Variants in CCNI observed in about 807,000 individuals in gnomAD.
The protein encoded by CCNI is cyclin I, also known as cyclin-I.
In CCNI, 14 loss-of-function variants were observed where a neutral mutation model predicts 34.1. The ratio of observed to expected loss-of-function variants is 0.41; its 90% CI spans 0.27 to 0.64. The LOEUF is 0.64. CCNI is among the 30% of genes least tolerant of loss of function. The pLI, the probability that CCNI is intolerant of heterozygous loss-of-function variation, is 0.31. For missense variants in CCNI, 385 were observed against 440.5 expected, an observed-to-expected ratio of 0.87 and a Z score of 1.13; for synonymous variants, 154 against 158.4, an observed-to-expected ratio of 0.97 and a Z score of 0.21.
chr4:77,057,785 C>A (rs1051172165), intron 3 of CCNI, among the ~76,000 whole-genome samples: 1 of 152,178 alleles, frequency 6.6e-6, no homozygotes, highest in Non-Finnish European at 1.5e-5. Context: ...GTAGAAAGCA[C>A]TTTGTTTTTC....
intron 5 of CCNI, 47 bp from the exon 6 acceptor site, chr4:77,055,427 A>G: frequency 7.8e-7 from 1 of 1,279,134 alleles, no homozygotes; most frequent in Non-Finnish European, 1.1e-6. Context: ...AATATCTGGG[A>G]AATTACATAT....
intron 1 of CCNI, among the ~76,000 whole-genome samples, chr4:77,068,836 T>C (rs1358664399): frequency 1.3e-5 from 2 of 152,266 alleles, no homozygotes; most frequent in Admixed American, 6.5e-5. Context: ...CTCCTTCCTA[T>C]GTACCACTCC....
rs1474558280 is a variant in CCNI at position 77,075,758 on chromosome 4, G to A, written c.-330C>T. ...CTGAGGCCGCCGCCGCTCGAGCCCGGGTTGGGAGGGGGCTCCCTCTCGCCA... is the reference window on the plus strand; with the variant it reads ...CTGAGGCCGCCGCCGCTCGAGCCCGAGTTGGGAGGGGGCTCCCTCTCGCCA... On this transcript the variant is annotated 5_prime_UTR_variant, in exon 1 of 7. Transcript: ENST00000237654. The A allele has an allele frequency of 6.1e-6, 1 of 164,122 alleles. No homozygotes were observed. Among genetic ancestry groups the A allele is most frequent in the South Asian group, 2.0e-4 (1 of 5,100 alleles). 10.2% of individuals were successfully genotyped at this position (164,122 alleles called of 1,614,324 possible). A position where few individuals can be genotyped will look rare whatever the true frequency, so the allele number is the denominator to read the frequency against.
intron 6 of CCNI, among the ~76,000 whole-genome samples, chr4:77,051,147 GT>G (rs908514335): frequency 6.6e-6 from 1 of 152,004 alleles, no homozygotes; most frequent in African/African-American, 2.4e-5. Flanking sequence ...CAAATTCCAG[GT>G]TTTTTTGGAA....
chr4:77,063,980 G>A (rs1281443612), intron 2 of CCNI, among the ~76,000 whole-genome samples: 2 of 152,116 alleles, frequency 1.3e-5, no homozygotes, highest in East Asian at 3.9e-4. Flanking sequence ...GGTTGCTCAC[G>A]CCTGTAATCC....
chr4:77,058,092 T>C (rs1170076622), intron 3 of CCNI, among the ~76,000 whole-genome samples: 1 of 152,188 alleles, frequency 6.6e-6, no homozygotes, highest in South Asian at 2.1e-4. Flanking sequence ...TGGTGGCTCA[T>C]GCCTGTAATC....
At position 77,072,488 on chromosome 4, in the gene CCNI, C is replaced by CTA. The variant is rs1190627593; in HGVS notation, c.-44+2983_-44+2984insTA. Reference sequence around the variant, plus strand: ...AAAAAAAAAAAAAAATTTAAACTAGCCAGGCATGATGTCACACACCTGCCT... The same window carrying CTA: ...AAAAAAAAAAAAAAATTTAAACTAGCTACAGGCATGATGTCACACACCTGCCT... On this transcript the variant is annotated intron_variant, in intron 1 of 6. Transcript: ENST00000237654. 4.1e-5 allele frequency among the ~76,000 whole-genome samples: 6 copies of CTA among 148,050 alleles called. No individual in the cohort carries two copies. In the East Asian group the frequency reaches 1.2e-3, roughly 29 times the overall value.
At position 77,055,289 on chromosome 4, in the gene CCNI, T is replaced by G. The variant is rs757798849; in HGVS notation, c.551A>C (p.Gln184Pro). 1 of 1,614,196 alleles carries G rather than the reference T, an allele frequency of 6.2e-7. No individual in the cohort carries two copies. Among genetic ancestry groups the G allele is most frequent in the South Asian group, 1.1e-5 (1 of 91,090 alleles). Residue 184 changes from glutamine to proline, a missense_variant, in exon 6 of 7, where the codon CAA becomes CCA. Coordinates refer to ENST00000237654, the MANE Select transcript of CCNI (RefSeq NM_006835.3). ...GTTGCAGGCCATACAGTGAAGTAGT[T>G]GCTTGGTAAGGACTGCCAAATGTTG... ...PSQHLAVLTK[Q>P]LLHCMACNQL... is the part of the protein sequence containing the mutation.
intron 6 of CCNI, among the ~76,000 whole-genome samples, chr4:77,050,348 T>A (rs78584631): frequency 2.0e-5 from 3 of 152,156 alleles, no homozygotes; most frequent in African/African-American, 7.2e-5. Flanking sequence ...CCATGACTGT[T>A]TGCAATACCA....
At chr4:77,054,262 T>C (rs556803919) in intron 6 of CCNI, among the ~76,000 whole-genome samples, 2 of 152,326 alleles carry the variant, frequency 1.3e-5, no homozygotes, top group Admixed American at 1.3e-4. Flanking sequence ...ATAACTGCAG[T>C]TCTTTGCTAC....
At chr4:77,048,806 T>C (rs4252946) in intron 6 of CCNI, 144 bp from the exon 7 acceptor site, 71,148 of 482,164 alleles carry the variant, frequency 0.15, 10,292 homozygotes, top group African/African-American at 0.53. Context: ...TCCAACTCAT[T>C]TATTTATCCA....
intron 6 of CCNI, among the ~76,000 whole-genome samples, chr4:77,051,273 A>ATG (rs1267967682): frequency 6.6e-6 from 1 of 152,214 alleles, no homozygotes; most frequent in Non-Finnish European, 1.5e-5. Flanking sequence ...TCTTTAGCAA[A>ATG]TGAATGATAT....
In CCNI at chr4:77,051,045, C is replaced by G. The variant is rs1263949523; in HGVS notation, c.691-2383G>C. Among the ~76,000 whole-genome samples the G allele has an allele frequency of 4.6e-5, 7 of 152,146 alleles. 1 individual carries two copies. Among genetic ancestry groups the G allele is most frequent in the Non-Finnish European group, 1.0e-4 (7 of 68,012 alleles). The stretch of plus-strand genomic sequence containing the variant: ...TAACCCACTCGCATTGTCCTGTATA[C>G]TTTAAATCATCCCTAGATTACTTAT... On this transcript the variant is annotated intron_variant, in intron 6 of 6. Transcript: ENST00000237654.
At chr4:77,066,092 C>G (rs1462856308) in intron 2 of CCNI, 157 bp downstream of exon 2, 13 of 615,828 alleles carry the variant, frequency 2.1e-5, no homozygotes, top group Non-Finnish European at 3.6e-5. Context: ...CAGAGTGAGA[C>G]CCTGTTACAC....
chr4:77,048,024 TTG>T lies in CCNI; in HGVS notation c.*193_*194del. On this transcript the variant is annotated 3_prime_UTR_variant, in exon 7 of 7. Transcript: ENST00000237654. ...TCTTTTGGATTTCTTTTTTTTTTTT[TTG>T]GTCTTTATGTGCTTAAATAACGCTG... 2 of 401,570 alleles carry T rather than the reference TTG, an allele frequency of 5.0e-6. No homozygotes were observed. The highest frequency in any genetic ancestry group is 8.8e-6 in the Non-Finnish European group (2 of 226,624). 24.9% of individuals were successfully genotyped at this position (401,570 alleles called of 1,614,324 possible). A position where few individuals can be genotyped will look rare whatever the true frequency, so the allele number is the denominator to read the frequency against.
chr4:77,050,671 A>G lies in CCNI; in HGVS notation c.691-2009T>C, dbSNP rs4252937. Among the ~76,000 whole-genome samples the G allele has an allele frequency of 1.7e-3, 261 of 152,296 alleles. 1 individual carries two copies. The highest frequency in any genetic ancestry group is 6.0e-3 in the African/African-American group (248 of 41,566). On this transcript the variant is annotated intron_variant, in intron 6 of 6. Transcript: ENST00000237654. The stretch of plus-strand genomic sequence containing the variant: ...TAGAATTTGTTCTCCCTCCCTTAAA[A>G]GAAAAAAAGTTAACATAACACTTAA...
chr4:77,058,696 T>C (rs1471805259), intron 2 of CCNI, 61 bp from the exon 3 acceptor site: 8 of 1,442,886 alleles, frequency 5.5e-6, no homozygotes, highest in African/African-American at 1.4e-5. Context: ...AGAGTATGTT[T>C]AGAATTCTCT....
chr4:77,074,824 T>C (rs558383190), intron 1 of CCNI: 4 of 152,336 alleles, frequency 2.6e-5, no homozygotes, highest in East Asian at 3.9e-4. Context: ...TGATACCCAA[T>C]TGTCAACTTC....
chr4:77,055,927 C>A, intron 5 of CCNI, 35 bp downstream of exon 5: 1 of 1,546,228 alleles, frequency 6.5e-7, no homozygotes, highest in African/African-American at 1.4e-5. Context: ...ACTACACACT[C>A]AAATAAGAAA....
Sources: allele counts gnomAD v4.1 joint callset (sites outside exome capture counted in the v4.1 genomes callset), GRCh38; gene constraint gnomAD v4.1.1; transcripts MANE v1.5; gene names NCBI Gene and HGNC (gene_info 2026-07-23, HGNC 2026-07-21).